The following NDUFAF7 variants were observed in gnomAD, a reference collection of about 807,000 sequenced individuals.
NDUFAF7 encodes protein arginine methyltransferase NDUFAF7, mitochondrial.
NDUFAF7 carries 48 observed loss-of-function variants against 47.2 expected under a neutral mutation model. The ratio of observed to expected loss-of-function variants is 1.02; its 90% CI spans 0.81 to 1.29. The LOEUF (loss-of-function observed/expected upper bound fraction) is 1.29, where lower values mean the gene tolerates loss of function less well. NDUFAF7 is among the 50% of genes most tolerant of loss of function. The pLI is 0.00. For synonymous variants in NDUFAF7, 217 were observed against 190.0 expected (o/e 1.14, Z -1.17); for missense variants, 635 against 537.6 (o/e 1.18, Z -1.79).
intron 4 of NDUFAF7, among the ~76,000 whole-genome samples, chr2:37,239,408 C>G (rs995829957): frequency 1.3e-5 from 2 of 152,154 alleles, no homozygotes; most frequent in African/African-American, 4.8e-5. Context: ...CATGAGCCCC[C>G]GTACCCAGCC....
intron 4 of NDUFAF7, among the ~76,000 whole-genome samples, chr2:37,238,739 G>C (rs966747401): frequency 6.6e-6 from 1 of 152,128 alleles, no homozygotes; most frequent in Non-Finnish European, 1.5e-5. Flanking sequence ...ACAAGCCACA[G>C]AGTGGGAGAA....
chr2:37,269,488 A>G, the NDUFAF7 span: 116 of 741,672 alleles, frequency 1.6e-4, 1 homozygote, highest in South Asian at 1.8e-3. Context: ...GCTGAAAGAT[A>G]ACAAGTCAGC....
chr2:37,234,893 G>A (rs553301059), intron 2 of NDUFAF7, among the ~76,000 whole-genome samples: 4 of 152,194 alleles, frequency 2.6e-5, no homozygotes, highest in African/African-American at 9.7e-5. Context: ...TTTAATTCTG[G>A]AGTGAGACTG....
chr2:37,265,508 AAC>A, the NDUFAF7 span, among the ~76,000 whole-genome samples: 1 of 151,242 alleles, frequency 6.6e-6, no homozygotes, highest in East Asian at 1.9e-4. Context: ...CACACACACA[AAC>A]ACACACACAG....
At chr2:37,248,110 T>G in intron 9 of NDUFAF7, 25 bp from the exon 10 acceptor site, 2 of 1,564,200 alleles carry the variant, frequency 1.3e-6, no homozygotes, top group East Asian at 2.2e-5. Context: ...CTGGTTATTT[T>G]TGCTAAGAAT....
chr2:37,269,499 CT>C, the NDUFAF7 span: 1 of 830,602 alleles, frequency 1.2e-6, no homozygotes, highest in Non-Finnish European at 2.0e-6. Flanking sequence ...ACAAGTCAGC[CT>C]TTAAAAAAAA....
At chr2:37,247,179 T>C (rs1225227377) in intron 8 of NDUFAF7, 2 of 457,904 alleles carry the variant, frequency 4.4e-6, no homozygotes, top group Non-Finnish European at 8.2e-6. Flanking sequence ...CTTAGGATAA[T>C]GGCCTCCAGC....
chr2:37,253,807 A>G (rs1667712566), downstream of NDUFAF7, among the ~76,000 whole-genome samples: 2 of 152,204 alleles, frequency 1.3e-5, no homozygotes, highest in South Asian at 4.1e-4. Flanking sequence ...CTTACTCTGA[A>G]GTTTGGAGGG....
intron 4 of NDUFAF7, among the ~76,000 whole-genome samples, chr2:37,241,027 T>C (rs1666281804): frequency 6.6e-6 from 1 of 152,252 alleles, no homozygotes; most frequent in Admixed American, 6.5e-5. Flanking sequence ...TATTGATTTT[T>C]TAGCCTTAAA....
the NDUFAF7 span, chr2:37,268,227 T>C: frequency 1.1e-5 from 5 of 442,358 alleles, no homozygotes; most frequent in African/African-American, 2.1e-5. Flanking sequence ...CTCATTTGTC[T>C]CAATGGCACA....
downstream of NDUFAF7, chr2:37,253,409 T>A: frequency 6.8e-7 from 1 of 1,467,674 alleles, no homozygotes; most frequent in Non-Finnish European, 9.2e-7. Flanking sequence ...GTCAACCTGG[T>A]TTTTGTTTTG....
the NDUFAF7 span, chr2:37,267,345 T>C: frequency 1.0e-6 from 1 of 957,116 alleles, no homozygotes; most frequent in Non-Finnish European, 1.5e-6. Flanking sequence ...TTTTGCCTTC[T>C]TAAAAAAAAA....
the NDUFAF7 span, among the ~76,000 whole-genome samples, chr2:37,266,582 G>A: frequency 6.6e-6 from 1 of 152,186 alleles, no homozygotes; most frequent in East Asian, 1.9e-4. Flanking sequence ...CACCTTCCAG[G>A]TTCAAGCGAT....
At chr2:37,269,735 A>G in the NDUFAF7 span, 8 of 1,311,094 alleles carry the variant, frequency 6.1e-6, no homozygotes, top group African/African-American at 1.2e-4. Flanking sequence ...CTATAATACA[A>G]TGTCAACATC....
At chr2:37,259,570 G>C in the NDUFAF7 span, 1 of 1,590,698 alleles carries the variant, frequency 6.3e-7, no homozygotes, top group Non-Finnish European at 8.6e-7. Flanking sequence ...AAAGGTTCTG[G>C]AGAATATCTC....
downstream of NDUFAF7, chr2:37,256,824 T>C: frequency 6.2e-7 from 1 of 1,614,030 alleles, no homozygotes; most frequent in Non-Finnish European, 8.5e-7. Context: ...TTGTAACCTT[T>C]GCTCCGGAGA....
chr2:37,247,859 G>A (rs571348946), intron 9 of NDUFAF7, among the ~76,000 whole-genome samples: 9 of 152,226 alleles, frequency 5.9e-5, no homozygotes, highest in East Asian at 1.9e-4. Flanking sequence ...AGAAAACTGC[G>A]TTTATGGGTA....
At chr2:37,257,164 A>C (rs1668018704), downstream of NDUFAF7, among the ~76,000 whole-genome samples, 1 of 152,096 alleles carries the variant, frequency 6.6e-6, no homozygotes, top group African/African-American at 2.4e-5. Context: ...CATATTTCAA[A>C]AGTTCTAGCT....
At chr2:37,262,903 C>T in the NDUFAF7 span, among the ~76,000 whole-genome samples, 9 of 120,298 alleles carry the variant, frequency 7.5e-5, no homozygotes, top group African/African-American at 2.8e-4. Flanking sequence ...CTTCCCCCCC[C>T]CGTATTTGTG....
Sources: gnomAD v4.1 joint callset for allele counts (sites outside exome capture counted in the v4.1 genomes callset) on GRCh38, gnomAD v4.1.1 for gene constraint, MANE v1.5 for transcripts, NCBI Gene and HGNC (gene_info 2026-07-23, HGNC 2026-07-21) for gene names.